The following CSPP1 variants were observed in gnomAD, a reference collection of about 807,000 sequenced individuals.
CSPP1 encodes centrosome and spindle pole associated protein 1.
Under a neutral mutation model 164.4 loss-of-function variants are expected in CSPP1, and 126 were observed. The ratio of observed to expected loss-of-function variants is 0.77; its 90% confidence interval spans 0.66 to 0.89. The LOEUF (loss-of-function observed/expected upper bound fraction) is 0.89. CSPP1 is among the 40% of genes least tolerant of loss of function. CSPP1 has a pLI of 0.00. For missense variants in CSPP1, 1,395 were observed against 1,449.8 expected, an observed-to-expected ratio of 0.96 and a Z score of 0.61; for synonymous variants, 472 against 476.7, an observed-to-expected ratio of 0.99 and a Z score of 0.13.
chr8:67,149,525 T>C (rs1825274336), intron 17 of CSPP1, among the ~76,000 whole-genome samples: 2 of 152,224 alleles, frequency 1.3e-5, no homozygotes, highest in Non-Finnish European at 2.9e-5. Context: ...ACTGTTAATA[T>C]GGTTTTTATG....
intron 28 of CSPP1, among the ~76,000 whole-genome samples, chr8:67,189,916 G>A (rs757821028): frequency 7.2e-5 from 11 of 152,114 alleles, no homozygotes; most frequent in Admixed American, 2.0e-4. Flanking sequence ...ATTAGCTACC[G>A]ATCCACTAGA....
At chr8:67,070,301 T>C (rs1452688409) in intron 1 of CSPP1, among the ~76,000 whole-genome samples, 1 of 151,442 alleles carries the variant, frequency 6.6e-6, no homozygotes, top group Admixed American at 6.6e-5. Flanking sequence ...TCTCTACTAA[T>C]AATACAAAAA....
At position 67,112,092 on chromosome 8, in the gene CSPP1, G is replaced by C. The variant is rs1319293853; in HGVS notation, c.1187+27G>C. ...TAATGAAAGGTTTGCATTTAAAAGA[G>C]ATATTTTGAGTTTAAAGTGCATTTG... On this transcript the variant is annotated intron_variant, in intron 10 of 30. Transcript: ENST00000678616. The C allele has an allele frequency of 2.7e-6, 4 of 1,509,046 alleles. No homozygotes were observed. The Admixed American group carries it at 7.0e-5, about 26-fold the overall frequency. 93.5% of individuals were successfully genotyped at this position (1,509,046 alleles called of 1,614,324 possible).
intron 19 of CSPP1, among the ~76,000 whole-genome samples, chr8:67,155,935 A>T (rs1826584231): frequency 6.6e-6 from 1 of 152,150 alleles, no homozygotes; most frequent in Admixed American, 6.5e-5. Flanking sequence ...AATGTGAGAA[A>T]CTGGTATCAG....
At chr8:67,172,723 G>A in intron 25 of CSPP1, 168 bp downstream of exon 25, 1 of 566,868 alleles carries the variant, frequency 1.8e-6, no homozygotes, top group Non-Finnish European at 3.0e-6. Context: ...CAGTTAACCA[G>A]TCTGGTAGAT....
At chr8:67,102,622 A>T (rs1040758172) in intron 7 of CSPP1, among the ~76,000 whole-genome samples, 1 of 152,178 alleles carries the variant, frequency 6.6e-6, no homozygotes, top group African/African-American at 2.4e-5. Flanking sequence ...CAATGAAATA[A>T]TTCACAGACT....
intron 9 of CSPP1, among the ~76,000 whole-genome samples, chr8:67,109,696 G>T (rs1460003240): frequency 2.8e-4 from 42 of 152,038 alleles, no homozygotes; most frequent in South Asian, 2.1e-4. Context: ...CTCATTGTCC[G>T]AACTAGTACC....
intron 24 of CSPP1, among the ~76,000 whole-genome samples, chr8:67,165,286 G>A (rs1029100652): frequency 2.0e-5 from 3 of 152,048 alleles, no homozygotes; most frequent in Non-Finnish European, 4.4e-5. Flanking sequence ...TCTGTCTCAC[G>A]AAGAAAAGTT....
Position 67,162,820 on chromosome 8 carries a change from G to A in CSPP1, c.2643+905G>A, listed in dbSNP as rs537609728. Among the ~76,000 whole-genome samples the A allele has an allele frequency of 8.5e-5, 13 of 152,224 alleles. No homozygotes were observed. The East Asian group carries it at 2.5e-3, about 29-fold the overall frequency. Reference sequence around the variant, plus strand: ...TAGTAGTACTATTTGTTGAGTGTGTGGTGGGTAGGAGTCTATGATAACTTT... The same window carrying A: ...TAGTAGTACTATTTGTTGAGTGTGTAGTGGGTAGGAGTCTATGATAACTTT... On this transcript the variant is annotated intron_variant, in intron 22 of 30. Coordinates refer to ENST00000678616, the MANE Select transcript of CSPP1 (RefSeq NM_001382391.1).
intron 7 of CSPP1, 111 bp from the exon 8 acceptor site, chr8:67,102,925 TA>T: frequency 1.8e-6 from 1 of 546,918 alleles, no homozygotes. Context: ...AAAACTTCAT[TA>T]TAACACTTTG....
At chr8:67,086,252 G>T in intron 4 of CSPP1, 142 bp downstream of exon 4, 1 of 740,788 alleles carries the variant, frequency 1.3e-6, no homozygotes, top group East Asian at 2.5e-5. Flanking sequence ...AAGTTAAGTG[G>T]CATATATGAC....
At chr8:67,169,476 C>T (rs538489553) in intron 24 of CSPP1, among the ~76,000 whole-genome samples, 14 of 152,168 alleles carry the variant, frequency 9.2e-5, no homozygotes, top group Admixed American at 2.6e-4. Flanking sequence ...GACGGAGTCT[C>T]GCTCTGTCAC....
chr8:67,121,672 A>G (rs1245590816), intron 15 of CSPP1, among the ~76,000 whole-genome samples: 2 of 152,200 alleles, frequency 1.3e-5, no homozygotes, highest in African/African-American at 2.4e-5. Flanking sequence ...TTGGGCTTAT[A>G]GAAGGAATTA....
At chr8:67,064,374 CGG>C (rs747363806), upstream of CSPP1, 183 of 1,608,502 alleles carry the variant, frequency 1.1e-4, no homozygotes, top group Non-Finnish European at 1.5e-4. Flanking sequence ...GCCTGAGGGG[CGG>C]AGCCCCGGCC....
At chr8:67,071,992 AT>A (rs1272742979) in intron 1 of CSPP1, among the ~76,000 whole-genome samples, 3 of 152,094 alleles carry the variant, frequency 2.0e-5, no homozygotes, top group South Asian at 2.1e-4. Context: ...TTAGGCAAAG[AT>A]TTTTTTTAGC....
Position 67,154,045 on chromosome 8 carries a change from C to T in CSPP1, c.2150C>T (p.Ser717Phe). The T allele has an allele frequency of 6.3e-7, 1 of 1,599,084 alleles. No individual in the cohort carries two copies. Among genetic ancestry groups the T allele is most frequent in the Non-Finnish European group, 8.6e-7 (1 of 1,167,442 alleles). ...CAAGGTCATATGCAAACACAGAGCT[C>T]TCCTTTTGCTCGGGGAAATGTATTT... The part of the protein sequence containing the change: ...KSSGHMQTQS[S>F]PFARGNVFGE... The change falls in exon 19 of 31, where the codon TCT (serine) becomes TTT (phenylalanine). Residue 717 changes from serine (S) to phenylalanine (F), a missense_variant. Coordinates refer to ENST00000678616, the MANE Select transcript of CSPP1 (RefSeq NM_001382391.1).
chr8:67,192,062 ATTTG>A (rs1190751580), intron 29 of CSPP1, among the ~76,000 whole-genome samples: 29 of 134,936 alleles, frequency 2.1e-4, no homozygotes, highest in African/African-American at 5.1e-4. Flanking sequence ...TCCTTTGCTG[ATTTG>A]TTTTTTTTTT....
chr8:67,175,467 TATC>T, intron 26 of CSPP1, 31 bp downstream of exon 26: 1 of 1,612,674 alleles, frequency 6.2e-7, no homozygotes, highest in Non-Finnish European at 8.5e-7. Flanking sequence ...TGTCAAATAG[TATC>T]AGCACGCTGT....
chr8:67,111,932 T>A (rs1460313136), intron 9 of CSPP1, 40 bp from the exon 10 acceptor site: 1 of 1,286,524 alleles, frequency 7.8e-7, no homozygotes, highest in Non-Finnish European at 1.1e-6. Flanking sequence ...CATACGATGC[T>A]TAAGAGTTAA....
Sources: gnomAD v4.1 joint callset for allele counts (sites outside exome capture counted in the v4.1 genomes callset) on GRCh38, gnomAD v4.1.1 for gene constraint, MANE v1.5 for transcripts, NCBI Gene and HGNC (gene_info 2026-07-23, HGNC 2026-07-21) for gene names.